The following PTPRG variants were observed in gnomAD, a reference collection of about 807,000 sequenced individuals.
PTPRG encodes protein tyrosine phosphatase receptor type G.
PTPRG carries 102 observed loss-of-function variants against 165.3 expected under a neutral mutation model. The observed-to-expected ratio is 0.62, with a 90% CI of 0.53 to 0.73. The LOEUF (loss-of-function observed/expected upper bound fraction) is 0.73. Among genes scored for constraint, PTPRG ranks in the 30% least tolerant of loss-of-function variants. The probability of loss-of-function intolerance (pLI) is 0.00; values close to 1 mark genes in which losing one functional copy is unlikely to be tolerated. For missense variants in PTPRG, 1,866 were observed against 1,861.4 expected (o/e 1.00, Z -0.05); for synonymous variants, 675 against 669.5 (o/e 1.01, Z -0.13).
chr3:62,194,808 A>T (rs901422152), intron 9 of PTPRG, among the ~76,000 whole-genome samples: 4 of 151,872 alleles, frequency 2.6e-5, no homozygotes, highest in Non-Finnish European at 5.9e-5. Flanking sequence ...ATCTCAATAA[A>T]AAAAAAAAAG....
At chr3:62,244,105 C>G (rs144627984) in intron 15 of PTPRG, among the ~76,000 whole-genome samples, 2 of 152,150 alleles carry the variant, frequency 1.3e-5, no homozygotes, top group Non-Finnish European at 2.9e-5. Flanking sequence ...AGGGAAAAAC[C>G]GTACAAAAAC....
Position 61,562,313 on chromosome 3 carries a change from G to C in PTPRG, c.26G>C (p.Trp9Ser), listed in dbSNP as rs776348805. The C allele has an allele frequency of 2.5e-6, 4 of 1,613,692 alleles. No homozygotes were observed. In the South Asian group the frequency reaches 4.4e-5, roughly 18 times the overall value. MRRLLEPC[W>S]WILFLKITSS... ...ATGCGGAGGTTACTGGAACCGTGTTGGTGGATTTTGTTCCTGAAAATCACC... is the reference window on the plus strand; with the variant it reads ...ATGCGGAGGTTACTGGAACCGTGTTCGTGGATTTTGTTCCTGAAAATCACC... The change falls in exon 1 of 30, where the codon TGG (tryptophan) becomes TCG (serine). Residue 9 changes from tryptophan to serine, a missense_variant. By Grantham distance (177) the Trp-to-Ser change is radical. Around this residue, in one of 3 missense-constraint regions of PTPRG, gnomAD observed 408 missense variants for 376.2 expected, o/e 1.08. Transcript: ENST00000474889.
intron 14 of PTPRG, among the ~76,000 whole-genome samples, chr3:62,235,796 T>G (rs1701018856): frequency 6.6e-6 from 1 of 152,218 alleles, no homozygotes; most frequent in Non-Finnish European, 1.5e-5. Flanking sequence ...ATCTGTTTCC[T>G]CTTTCACACC....
In PTPRG at chr3:62,197,639, C is replaced by A. The variant is rs1156482969; in HGVS notation, c.1327+2469C>A. ...CTTGCTGAGGCCGGGGCCCTTGGAA[C>A]TTCGGACACATAAATCATGATTAAG... On this transcript the variant is annotated intron_variant, in intron 10 of 29. Coordinates refer to ENST00000474889, the MANE Select transcript of PTPRG (RefSeq NM_002841.4). 8.5e-5 allele frequency among the ~76,000 whole-genome samples: 13 copies of A among 152,184 alleles called. 1 individual carries two copies. The highest frequency in any genetic ancestry group is 8.5e-4 in the Admixed American group (13 of 15,276).
chr3:62,292,278 C>A, intron 28 of PTPRG, 143 bp from the exon 29 acceptor site: 1 of 927,664 alleles, frequency 1.1e-6, no homozygotes, highest in Non-Finnish European at 1.6e-6. Flanking sequence ...CCTCCCCCAC[C>A]AGCATTTCAT....
At chr3:62,263,895 C>T (rs536748799) in intron 17 of PTPRG, 2 of 152,464 alleles carry the variant, frequency 1.3e-5, no homozygotes, top group East Asian at 1.9e-4. Context: ...CGCCTGTAAT[C>T]CCAGCACTTT....
chr3:62,142,590 C>T (rs933274754), intron 6 of PTPRG, among the ~76,000 whole-genome samples: 2 of 152,156 alleles, frequency 1.3e-5, no homozygotes, highest in African/African-American at 4.8e-5. Context: ...CAAGTGGCCT[C>T]ACAACAACCA....
intron 6 of PTPRG, among the ~76,000 whole-genome samples, chr3:62,142,310 A>G (rs1472054576): frequency 7.2e-5 from 11 of 152,038 alleles, no homozygotes; most frequent in Admixed American, 6.6e-4. Context: ...GATTATTTCA[A>G]AATGAGGATG....
rs146439757 is a variant in PTPRG, at chr3:61,657,182, G to A, written c.86-91696G>A. Among the ~76,000 whole-genome samples the A allele has an allele frequency of 9.8e-4, 149 of 152,220 alleles. 1 individual carries two copies. The highest frequency in any genetic ancestry group is 3.4e-3 in the African/African-American group (143 of 41,552). ...CCGGTAATAAACTGTGGGGGTGGAGGGGAGCCAGCAAGGCTTGTTTTGTTC... is the reference window on the plus strand; with the variant it reads ...CCGGTAATAAACTGTGGGGGTGGAGAGGAGCCAGCAAGGCTTGTTTTGTTC... On this transcript the variant is annotated intron_variant, in intron 1 of 29. Transcript: ENST00000474889.
chr3:61,641,718 T>A (rs1702067558), intron 1 of PTPRG, among the ~76,000 whole-genome samples: 1 of 152,214 alleles, frequency 6.6e-6, no homozygotes, highest in Admixed American at 6.5e-5. Flanking sequence ...GAAATCTGAT[T>A]TTAAAAAATC....
At chr3:61,647,907 G>T (rs1441788320) in intron 1 of PTPRG, among the ~76,000 whole-genome samples, 1 of 151,422 alleles carries the variant, frequency 6.6e-6, no homozygotes, top group South Asian at 2.1e-4. Context: ...GTTCCCTTAC[G>T]AAGTGTCCTG....
At chr3:61,966,727 T>G (rs1477113482) in intron 2 of PTPRG, among the ~76,000 whole-genome samples, 2 of 152,088 alleles carry the variant, frequency 1.3e-5, no homozygotes, top group African/African-American at 2.4e-5. Flanking sequence ...GGAAGCCAAA[T>G]AGACAGGTGG....
chr3:62,246,715 T>G (rs1701296324), intron 15 of PTPRG, among the ~76,000 whole-genome samples: 2 of 152,282 alleles, frequency 1.3e-5, no homozygotes, highest in African/African-American at 2.4e-5. Flanking sequence ...ATTATCCAAT[T>G]GTTTTTATTT....
intron 2 of PTPRG, among the ~76,000 whole-genome samples, chr3:61,829,358 T>G (rs572272147): frequency 1.3e-5 from 2 of 152,366 alleles, no homozygotes; most frequent in East Asian, 3.9e-4. Flanking sequence ...TTGTTCACAT[T>G]GGGTAATGAA....
chr3:61,890,974 ATGTTTTTACGGATAGCAAC>A (rs1008382347), intron 2 of PTPRG, among the ~76,000 whole-genome samples: 1 of 152,184 alleles, frequency 6.6e-6, no homozygotes, highest in African/African-American at 2.4e-5. Flanking sequence ...TGAAAATTTG[ATGTTTTTACGGATAGCAAC>A]TTTTTTTTCC....
intron 1 of PTPRG, among the ~76,000 whole-genome samples, chr3:61,589,024 G>A (rs1331115598): frequency 1.3e-5 from 2 of 152,174 alleles, no homozygotes; most frequent in East Asian, 3.9e-4. Context: ...GGACCACCCA[G>A]TCTGGCCCAC....
chr3:62,229,144 C>T lies in PTPRG; in HGVS notation c.2289-2081C>T, dbSNP rs1170970223. 6.6e-6 allele frequency among the ~76,000 whole-genome samples: 1 copy of T among 152,152 alleles called. No individual in the cohort carries two copies. Among genetic ancestry groups the T allele is most frequent in the Non-Finnish European group, 1.5e-5 (1 of 68,032 alleles). On this transcript the variant is annotated intron_variant, in intron 13 of 29. Coordinates refer to ENST00000474889, the MANE Select transcript of PTPRG (RefSeq NM_002841.4). This position sits in a 1 kb window ranked among gnomAD's most constrained non-coding sequence, Gnocchi z 4.6. ...CTCAGAGGGTTTGAGTTTATGACGA[C>T]ACCCTGGTGTTAAACTATCTTGCTC...
intron 3 of PTPRG, among the ~76,000 whole-genome samples, chr3:61,995,352 A>G (rs767461250): frequency 1.3e-5 from 2 of 151,992 alleles, no homozygotes; most frequent in Non-Finnish European, 2.9e-5. Flanking sequence ...GGCCACCCAA[A>G]GTGCTGGGAT....
intron 2 of PTPRG, among the ~76,000 whole-genome samples, chr3:61,810,041 C>T (rs2035528142): frequency 6.6e-6 from 1 of 152,186 alleles, no homozygotes; most frequent in East Asian, 1.9e-4. Context: ...TGTTGAGCCT[C>T]TGTAGCTGGA....
Sources: allele counts gnomAD v4.1 joint callset (sites outside exome capture counted in the v4.1 genomes callset), GRCh38; gene constraint gnomAD v4.1.1; regional missense constraint gnomAD v4.1.1; non-coding constraint Gnocchi (gnomAD v3.1); transcripts MANE v1.5; gene names NCBI Gene and HGNC (gene_info 2026-07-23, HGNC 2026-07-21).